PADI6: variants seen among roughly 807,000 people sequenced by gnomAD.
PADI6 encodes the protein peptidyl arginine deiminase 6, also known as inactive protein-arginine deiminase type-6.
PADI6 carries 66 observed loss-of-function variants against 78.2 expected under a neutral mutation model. The observed-to-expected ratio is 0.84, with a 90% CI of 0.69 to 1.04. The LOEUF (loss-of-function observed/expected upper bound fraction) is 1.04. Among genes scored for constraint, PADI6 ranks in the 50% least tolerant of loss-of-function variants. The probability of loss-of-function intolerance (pLI) is 0.00; values close to 1 mark genes in which losing one functional copy is unlikely to be tolerated. For missense variants in PADI6, 854 were observed against 866.1 expected (o/e 0.99, Z 0.18); for synonymous variants, 397 against 346.9 (o/e 1.14, Z -1.60).
At chr1:17,396,132 C>A (rs1557609118) in intron 13 of PADI6, among the ~76,000 whole-genome samples, 1 of 151,950 alleles carries the variant, frequency 6.6e-6, no homozygotes, top group East Asian at 1.9e-4. Flanking sequence ...ACACCTGTAA[C>A]CCCAGCACTT....
At chr1:17,397,940 A>G (rs545220324) in intron 14 of PADI6, among the ~76,000 whole-genome samples, 149 of 152,274 alleles carry the variant, frequency 9.8e-4, no homozygotes, top group Non-Finnish European at 1.6e-3. Flanking sequence ...GGACTACTCA[A>G]TGCTTTCTGG....
At chr1:17,389,019 G>A (rs932808533) in intron 8 of PADI6, 139 bp downstream of exon 8, 3 of 667,010 alleles carry the variant, frequency 4.5e-6, no homozygotes, top group Non-Finnish European at 7.8e-6. Context: ...GAGCTGTCTG[G>A]ACCTGCCCCA....
rs1296053671 is a variant in PADI6 at position 17,392,210 on chromosome 1, G to A, written c.1059G>A (p.Leu353=). The A allele has an allele frequency of 1.3e-6, 2 of 1,555,564 alleles. No homozygotes were observed. The highest frequency in any genetic ancestry group is 2.7e-5 in the African/African-American group (2 of 73,284). The change falls in exon 9 of 16, where the codon CTG becomes CTA. Residue 353 remains leucine, a synonymous_variant. Coordinates refer to ENST00000619609, the MANE Select transcript of PADI6 (RefSeq NM_207421.4). The part of the protein sequence containing the change: ...VASVYEDPNR[L]GRWLQDEMAF... ...CTGTCTATGAGGACCCCAACCGCCT[G>A]GGCAGGTGGCTCCAGGTAACACCCC... is the stretch of plus-strand genomic sequence containing the variant.
intron 8 of PADI6, among the ~76,000 whole-genome samples, chr1:17,391,515 C>G (rs141884997): frequency 6.6e-6 from 1 of 152,232 alleles, no homozygotes; most frequent in Admixed American, 6.5e-5. Flanking sequence ...CCACTGCGTC[C>G]GGCCAGATGA....
At chr1:17,376,799 C>T (rs372556789) in intron 3 of PADI6, among the ~76,000 whole-genome samples, 5 of 152,298 alleles carry the variant, frequency 3.3e-5, no homozygotes, top group South Asian at 2.1e-4. Context: ...CTACCACCAA[C>T]GGAGTTCTTT....
chr1:17,388,393 G>C lies in PADI6; in HGVS notation c.692G>C (p.Ser231Thr). 6.2e-7 allele frequency: 1 copy of C among 1,612,430 alleles called. No homozygotes were observed. Residue 231 changes from serine to threonine, a missense_variant, in exon 7 of 16, where the codon AGT becomes ACT. Coordinates refer to ENST00000619609, the MANE Select transcript of PADI6 (RefSeq NM_207421.4). ...CTTTCTCTCCTAGAAGACAACTCCA[G>C]TACCTTTGAGTTGGTGCTGGGGCCC... ...RVYWPQKDNS[S>T]TFELVLGPDQ...
At chr1:17,378,962 G>GT (rs1557597534) in intron 3 of PADI6, among the ~76,000 whole-genome samples, 1 of 142,222 alleles carries the variant, frequency 7.0e-6, no homozygotes, top group African/African-American at 2.6e-5. Context: ...TTTTGGGGGG[G>GT]GGGACAGAAT....
intron 5 of PADI6, 44 bp downstream of exon 5, chr1:17,381,208 G>A (rs1187608849): frequency 3.4e-6 from 5 of 1,486,316 alleles, no homozygotes; most frequent in Non-Finnish European, 1.8e-6. Flanking sequence ...TGGTCTCTTT[G>A]CTGCCCTGCT....
chr1:17,393,946 C>T (rs569705862), intron 9 of PADI6, 29 bp from the exon 10 acceptor site: 15 of 1,596,460 alleles, frequency 9.4e-6, no homozygotes, highest in Non-Finnish European at 1.3e-5. Flanking sequence ...GTGTGACTGG[C>T]AAACAATCTG....
chr1:17,392,286 C>A, intron 9 of PADI6, 61 bp downstream of exon 9: 1 of 1,257,128 alleles, frequency 8.0e-7, no homozygotes, highest in Non-Finnish European at 1.1e-6. Context: ...GCATGTGCCA[C>A]CTAAGAGGAA....
chr1:17,373,056 G>C lies in PADI6; in HGVS notation c.117G>C (p.Gly39=). The C allele has an allele frequency of 2.5e-6, 4 of 1,613,210 alleles. No individual in the cohort carries two copies. The highest frequency in any genetic ancestry group is 3.4e-6 in the Non-Finnish European group (4 of 1,179,282). ...LGTEICLDLS[G]CAPQKCQCFT... is the part of the protein sequence containing the mutation. Reference sequence around the variant, plus strand: ...GCGTGTCTCTTACCGGGCAAACCAGGTGTGCCCCCCAGAAGTGCCAGTGCT... The same window carrying C: ...GCGTGTCTCTTACCGGGCAAACCAGCTGTGCCCCCCAGAAGTGCCAGTGCT... Residue 39 remains glycine, a splice_region_variant and synonymous_variant, in exon 2 of 16, where the codon GGG becomes GGC. Transcript: ENST00000619609.
rs1179355961 is a variant in PADI6 at position 17,382,124 on chromosome 1, C to G, written c.679+32C>G. 4 of 1,609,100 alleles carry G rather than the reference C, an allele frequency of 2.5e-6. No homozygotes were observed. The Admixed American group carries it at 6.7e-5, about 27-fold the overall frequency. On this transcript the variant is annotated intron_variant, in intron 6 of 15. Coordinates refer to ENST00000619609, the MANE Select transcript of PADI6 (RefSeq NM_207421.4). ...GTTCTTGTGCCAGCTCCAGCTTTGC[C>G]TGCTCTCGACGTGCCAGGCAAGTTG... is the stretch of plus-strand genomic sequence containing the variant.
intron 10 of PADI6, 93 bp downstream of exon 10, chr1:17,394,175 C>A (rs1485657343): frequency 1.3e-6 from 2 of 1,519,122 alleles, no homozygotes; most frequent in African/African-American, 1.5e-5. Context: ...GGGGAGAGGG[C>A]CCAGGTGGCC....
chr1:17,389,741 A>G lies in PADI6; in HGVS notation c.962+861A>G, dbSNP rs111357948. 2.2e-4 allele frequency among the ~76,000 whole-genome samples: 33 copies of G among 152,314 alleles called. 1 individual carries two copies. Among genetic ancestry groups the G allele is most frequent in the Admixed American group, 5.9e-4 (9 of 15,298 alleles). The stretch of plus-strand genomic sequence containing the variant: ...CTGTCTGCATGATCACTCTGGCCAC[A>G]TGGAAAGTCAGGTACAGATAAAAGG... On this transcript the variant is annotated intron_variant, in intron 8 of 15. Transcript: ENST00000619609.
At chr1:17,395,516 T>C in intron 12 of PADI6, 24 bp from the exon 13 acceptor site, 1 of 1,548,432 alleles carries the variant, frequency 6.5e-7, no homozygotes, top group Non-Finnish European at 8.7e-7. Flanking sequence ...AAAGCTGGCT[T>C]CTGACCCAAG....
rs762323938 is a variant in PADI6 at position 17,398,860 on chromosome 1, T to C, written c.1851+13T>C. 1 of 1,611,316 alleles carries C rather than the reference T, an allele frequency of 6.2e-7. No homozygotes were observed. The highest frequency in any genetic ancestry group is 1.3e-5 in the African/African-American group (1 of 74,754). On this transcript the variant is annotated intron_variant, in intron 15 of 15. Coordinates refer to ENST00000619609, the MANE Select transcript of PADI6 (RefSeq NM_207421.4). ...CTTCCCTGACCTGGTGAGGGGCGAC[T>C]GCGCATCCCTGGGTGGGGGAGGGCC...
rs1177690181 is a variant in PADI6, at chr1:17,401,615, G to GA, written c.*179dup. 4.8e-6 allele frequency: 3 copies of GA among 628,922 alleles called. No individual in the cohort carries two copies. Among genetic ancestry groups the GA allele is most frequent in the Non-Finnish European group, 8.2e-6 (3 of 364,136 alleles). The allele number at this position is 628,922 out of a possible 1,614,324, so 39.0% of individuals were successfully genotyped here. A position where few individuals can be genotyped will look rare whatever the true frequency, so the allele number is the denominator to read the frequency against. On this transcript the variant is annotated 3_prime_UTR_variant, in exon 16 of 16. Transcript: ENST00000619609. ...GTAGGATGGCAAATGCCGCCAGCTT[G>GA]AACCCCTATGGGGAAAAGATGCAAA... is the stretch of plus-strand genomic sequence containing the variant.
intron 3 of PADI6, among the ~76,000 whole-genome samples, chr1:17,376,592 A>C (rs1570123270): frequency 1.4e-5 from 2 of 140,678 alleles, no homozygotes; most frequent in African/African-American, 5.3e-5. Context: ...TGGAGACGGG[A>C]TTTCACTGTG....
intron 14 of PADI6, 21 bp downstream of exon 14, chr1:17,397,162 G>A (rs768086255): frequency 1.4e-5 from 22 of 1,612,512 alleles, no homozygotes; most frequent in Non-Finnish European, 1.7e-5. Flanking sequence ...TGTGAAGGGG[G>A]CCATCCCCAA....
Sources: allele counts gnomAD v4.1 joint callset (sites outside exome capture counted in the v4.1 genomes callset), GRCh38; gene constraint gnomAD v4.1.1; transcripts MANE v1.5; gene names NCBI Gene and HGNC (gene_info 2026-07-23, HGNC 2026-07-21).